Variants in CIT observed in about 807,000 individuals in gnomAD.
The protein encoded by CIT is citron Rho-interacting kinase.
CIT carries 79 observed loss-of-function variants against 272.7 expected under a neutral mutation model. The ratio of observed to expected loss-of-function variants is 0.29; its 90% CI spans 0.24 to 0.35. The LOEUF (loss-of-function observed/expected upper bound fraction) is 0.35, where lower values mean the gene tolerates loss of function less well. CIT is among the 10% of genes least tolerant of loss of function. The probability of loss-of-function intolerance (pLI) is 1.00; values close to 1 mark genes in which losing one functional copy is unlikely to be tolerated. For missense variants in CIT, 1,909 were observed against 2,618.3 expected, an observed-to-expected ratio of 0.73 and a Z score of 5.91; for synonymous variants, 948 against 995.6, an observed-to-expected ratio of 0.95 and a Z score of 0.90.
In CIT at chr12:119,775,280, A is replaced by T. The variant is rs191164929; in HGVS notation, c.1941+506T>A. 7.3e-3 allele frequency among the ~76,000 whole-genome samples: 1,105 copies of T among 152,182 alleles called. 10 individuals are homozygous for T. Among genetic ancestry groups the T allele is most frequent in the African/African-American group, 0.024 (1,011 of 41,492 alleles). ...AGAGCAAGACTCCATCTCAAAAAAA[A>T]ATTTTTTTTAATTAAATAATTAAAC... On this transcript the variant is annotated intron_variant, in intron 16 of 47. Coordinates refer to ENST00000392521, the MANE Select transcript of CIT (RefSeq NM_001206999.2).
At chr12:119,734,622 T>C (rs1199877311) in intron 25 of CIT, among the ~76,000 whole-genome samples, 1 of 151,948 alleles carries the variant, frequency 6.6e-6, no homozygotes, top group Non-Finnish European at 1.5e-5. Flanking sequence ...CCCCAAAGCA[T>C]TTGATTTTGT....
At chr12:119,700,904 TGAG>T in intron 43 of CIT, 79 bp from the exon 44 acceptor site, 1 of 1,197,980 alleles carries the variant, frequency 8.3e-7, no homozygotes, top group Non-Finnish European at 1.2e-6. Context: ...GATGGAAGAA[TGAG>T]GAGCAGAGCC....
intron 5 of CIT, among the ~76,000 whole-genome samples, chr12:119,849,476 T>C (rs1400601528): frequency 6.6e-6 from 1 of 152,158 alleles, no homozygotes; most frequent in Admixed American, 6.6e-5. Flanking sequence ...TTCAACTTCA[T>C]GCATGTCTGC....
At position 119,710,582 on chromosome 12, in the gene CIT, A is replaced by T; in HGVS notation, c.4893T>A (p.Asp1631Glu). 6.2e-7 allele frequency: 1 copy of T among 1,614,246 alleles called. No homozygotes were observed. ...GCGTGCAGTTCATGTCTAGACGGTC[A>T]TCACCTTCCAGTTTCAGCAGGGAGT... is the stretch of plus-strand genomic sequence containing the variant. Reference protein sequence around the residue: ...LGNSLLKLEGDDRLDMNCTLP... With the variant: ...LGNSLLKLEGEDRLDMNCTLP... Residue 1631 changes from aspartate to glutamate, a missense_variant, in exon 38 of 48, where the codon GAT becomes GAA. Around this residue, in one of 8 missense-constraint regions of CIT, gnomAD observed 780 missense variants for 1,067.2 expected, o/e 0.73. Transcript: ENST00000392521. The surrounding 1 kb of genome is among the most constrained non-coding windows in gnomAD (Gnocchi z 5.6).
chr12:119,704,272 G>T, intron 41 of CIT, 91 bp downstream of exon 41: 1 of 1,199,604 alleles, frequency 8.3e-7, no homozygotes, highest in Non-Finnish European at 1.2e-6. Flanking sequence ...AGTACAGGCT[G>T]TGTCCCAGGA....
At chr12:119,689,823 A>G (rs371658281) in intron 47 of CIT, among the ~76,000 whole-genome samples, 7 of 151,788 alleles carry the variant, frequency 4.6e-5, no homozygotes, top group South Asian at 2.1e-4. Context: ...GACTACAGGC[A>G]CCAGCCACCA....
chr12:119,704,910 A>G (rs1156311641), intron 40 of CIT, among the ~76,000 whole-genome samples: 3 of 152,168 alleles, frequency 2.0e-5, no homozygotes, highest in Admixed American at 2.0e-4. Flanking sequence ...AAACGAATTT[A>G]GAGAAAATTT....
chr12:119,817,911 TAA>T (rs397939625), intron 9 of CIT, among the ~76,000 whole-genome samples: 6 of 140,884 alleles, frequency 4.3e-5, no homozygotes, highest in Non-Finnish European at 4.7e-5. Context: ...CTCCATCACT[TAA>T]AAAAAAAAAA....
At chr12:119,739,008 C>G (rs535966653) in intron 24 of CIT, among the ~76,000 whole-genome samples, 2 of 152,084 alleles carry the variant, frequency 1.3e-5, no homozygotes, top group East Asian at 3.9e-4. Context: ...ACCTCTCACA[C>G]CTAACTGGAA....
chr12:119,761,722 A>G (rs1257441306), intron 19 of CIT, among the ~76,000 whole-genome samples: 1 of 152,170 alleles, frequency 6.6e-6, no homozygotes, highest in African/African-American at 2.4e-5. Context: ...TAGGGGGAGA[A>G]AAAAAAGTCA....
chr12:119,776,886 A>T, intron 13 of CIT, 44 bp from the exon 14 acceptor site: 1 of 1,591,698 alleles, frequency 6.3e-7, no homozygotes, highest in Non-Finnish European at 8.6e-7. Context: ...TCGAACTCCG[A>T]AAAGAATAGA....
At chr12:119,852,441 T>C (rs990287230) in intron 4 of CIT, among the ~76,000 whole-genome samples, 3 of 152,152 alleles carry the variant, frequency 2.0e-5, no homozygotes, top group East Asian at 3.9e-4. Flanking sequence ...GAGCCAGGTG[T>C]GGTGGCTCAC....
In CIT at chr12:119,784,913, G is replaced by T; in HGVS notation, c.1401+47C>A. On this transcript the variant is annotated intron_variant, in intron 11 of 47. Coordinates refer to ENST00000392521, the MANE Select transcript of CIT (RefSeq NM_001206999.2). This position sits in a 1 kb window ranked among gnomAD's most constrained non-coding sequence, Gnocchi z 4.7. ...GGCGGATCCCTTGGCATATACGGAC[G>T]GGAGGATCCTGGAGCAAGGAAGGAG... The T allele has an allele frequency of 1.9e-6, 3 of 1,607,828 alleles. No individual in the cohort carries two copies. The highest frequency in any genetic ancestry group is 1.1e-5 in the South Asian group (1 of 90,032).
chr12:119,726,310 C>T (rs1415422671), intron 28 of CIT, among the ~76,000 whole-genome samples: 1 of 151,616 alleles, frequency 6.6e-6, no homozygotes, highest in Non-Finnish European at 1.5e-5. Context: ...CCTCAAACAC[C>T]TGCGCTCAAG....
rs61554565 is a variant in CIT, at chr12:119,787,730, C to CAA, written c.1296-2667_1296-2666dup. Among the ~76,000 whole-genome samples the CAA allele has an allele frequency of 5.9e-3, 291 of 48,984 alleles. 8 individuals are homozygous for CAA. The highest frequency in any genetic ancestry group is 0.023 in the African/African-American group (247 of 10,888). 32.1% of individuals were successfully genotyped at this position (48,984 alleles called of 152,430 possible). A position where few individuals can be genotyped will look rare whatever the true frequency, so the allele number is the denominator to read the frequency against. Reference sequence around the variant, plus strand: ...TGGGCAACAGAGTGAGACTCCGTCTCAAAAAAAAAAAAAAAAAAAGCAAAT... The same window carrying CAA: ...TGGGCAACAGAGTGAGACTCCGTCTCAAAAAAAAAAAAAAAAAAAAAGCAAAT... On this transcript the variant is annotated intron_variant, in intron 10 of 47. Coordinates refer to ENST00000392521, the MANE Select transcript of CIT (RefSeq NM_001206999.2).
Position 119,697,657 on chromosome 12 carries a change from AC to A in CIT, c.5882+1del. 6.2e-7 allele frequency: 1 copy of A among 1,613,274 alleles called. No individual in the cohort carries two copies. The highest frequency in any genetic ancestry group is 8.5e-7 in the Non-Finnish European group (1 of 1,179,600). The stretch of plus-strand genomic sequence containing the variant: ...TACTGAGGAAGAGGAGAAGCTGGTT[AC>A]CTGCGGGAGGTGGACGGGCCCCGGT... On this transcript the variant is annotated splice_donor_variant, in intron 46 of 47. Coordinates refer to ENST00000392521, the MANE Select transcript of CIT (RefSeq NM_001206999.2). LOFTEE classifies it high-confidence loss of function. The surrounding 1 kb of genome is among the most constrained non-coding windows in gnomAD (Gnocchi z 4.9).
chr12:119,793,219 G>C (rs1965469915), intron 10 of CIT, among the ~76,000 whole-genome samples: 1 of 152,074 alleles, frequency 6.6e-6, no homozygotes, highest in East Asian at 1.9e-4. Flanking sequence ...TTAAATTAGA[G>C]CACTTGCTTT....
rs749437654 is a variant in CIT at position 119,701,851 on chromosome 12, C to A, written c.5412G>T (p.Glu1804Asp). The A allele has an allele frequency of 6.8e-6, 11 of 1,613,974 alleles. No individual in the cohort carries two copies. Among genetic ancestry groups the A allele is most frequent in the Non-Finnish European group, 9.3e-6 (11 of 1,179,940 alleles). Residue 1804 changes from glutamate (E) to aspartate (D), a missense_variant and splice_region_variant, in exon 42 of 48, where the codon GAG (glutamate) becomes GAT (aspartate). By Grantham distance (45) the Glu-to-Asp change is conservative. Coordinates refer to ENST00000392521, the MANE Select transcript of CIT (RefSeq NM_001206999.2). ...TGCGAAAGTGGAGGTGGGTCCTACCCTCGAGCGTGTACTGCTTCATGTCGA... is the reference window on the plus strand; with the variant it reads ...TGCGAAAGTGGAGGTGGGTCCTACCATCGAGCGTGTACTGCTTCATGTCGA... ...YEIDMKQYTL[E>D]EFLDKNDHSL... is the part of the protein sequence containing the mutation.
chr12:119,873,198 T>C (rs1380820157), intron 2 of CIT, among the ~76,000 whole-genome samples: 1 of 152,072 alleles, frequency 6.6e-6, no homozygotes, highest in East Asian at 1.9e-4. Context: ...GCCAGACACA[T>C]TGGAAGCCAT....
Sources: gnomAD v4.1 joint callset for allele counts (sites outside exome capture counted in the v4.1 genomes callset) on GRCh38, gnomAD v4.1.1 for gene constraint, gnomAD v4.1.1 regional missense constraint, Gnocchi (gnomAD v3.1) non-coding constraint, MANE v1.5 for transcripts, NCBI Gene and HGNC (gene_info 2026-07-23, HGNC 2026-07-21) for gene names.